NOS1AP: variants seen among roughly 807,000 people sequenced by gnomAD.
NOS1AP encodes the protein carboxyl-terminal PDZ ligand of neuronal nitric oxide synthase protein.
Under a neutral mutation model 56.2 loss-of-function variants are expected in NOS1AP, and 21 were observed. That is an observed-to-expected ratio of 0.37 (90% CI 0.26 to 0.54). NOS1AP has a LOEUF of 0.54. NOS1AP is among the 20% of genes least tolerant of loss of function. The pLI is 0.84. For synonymous variants in NOS1AP, 270 were observed against 274.6 expected, an observed-to-expected ratio of 0.98 and a Z score of 0.17; for missense variants, 522 against 657.8, an observed-to-expected ratio of 0.79 and a Z score of 2.26.
At chr1:162,361,557 AC>A (rs1189269558) in intron 8 of NOS1AP, among the ~76,000 whole-genome samples, 1 of 152,180 alleles carries the variant, frequency 6.6e-6, no homozygotes, top group African/African-American at 2.4e-5. Flanking sequence ...GCCCAGTACC[AC>A]TTTTGACAGC....
intron 1 of NOS1AP, among the ~76,000 whole-genome samples, chr1:162,084,242 A>G (rs1691957120): frequency 6.6e-6 from 1 of 152,076 alleles, no homozygotes; most frequent in African/African-American, 2.4e-5. Flanking sequence ...ATGATTTTTG[A>G]TTGAAACCTG....
chr1:162,305,307 T>C (rs1397635572), intron 4 of NOS1AP, among the ~76,000 whole-genome samples: 3 of 152,214 alleles, frequency 2.0e-5, no homozygotes, highest in Admixed American at 6.5e-5. Context: ...ACCCCCTTTT[T>C]TTAGCCCCGG....
chr1:162,251,720 C>G (rs1455358840), intron 2 of NOS1AP, among the ~76,000 whole-genome samples: 1 of 151,642 alleles, frequency 6.6e-6, no homozygotes, highest in East Asian at 1.9e-4. Flanking sequence ...GTCTCACTCA[C>G]TCTGTCACCC....
chr1:162,313,606 T>C (rs1026350122), intron 4 of NOS1AP, among the ~76,000 whole-genome samples: 1 of 152,170 alleles, frequency 6.6e-6, no homozygotes. Flanking sequence ...GGAAAGAAAC[T>C]CCTGTCAGTG....
At position 162,086,206 on chromosome 1, in the gene NOS1AP, A is replaced by G. The variant is rs1217939367; in HGVS notation, c.105+15924A>G. On this transcript the variant is annotated intron_variant, in intron 1 of 9. Coordinates refer to ENST00000361897, the MANE Select transcript of NOS1AP (RefSeq NM_014697.3). ...GGAAGGGGTATTTCAGGGGTTTTAA[A>G]TGATGATTCTTGAGGTTTTAAAACA... 5.3e-5 allele frequency among the ~76,000 whole-genome samples: 8 copies of G among 152,210 alleles called. No individual in the cohort carries two copies. In the East Asian group the frequency reaches 1.4e-3, roughly 26 times the overall value.
Position 162,078,916 on chromosome 1 carries a change from T to C in NOS1AP, c.105+8634T>C, listed in dbSNP as rs77453133. 9.4e-3 allele frequency among the ~76,000 whole-genome samples: 1,431 copies of C among 152,288 alleles called. 20 individuals carry two copies. Among genetic ancestry groups the C allele is most frequent in the African/African-American group, 0.033 (1,359 of 41,554 alleles). ...GCTTGTCCTGTCCAATTTTCATCCC[T>C]ACATTGTCATTGTCAGGGTCCATGT... On this transcript the variant is annotated intron_variant, in intron 1 of 9. Coordinates refer to ENST00000361897, the MANE Select transcript of NOS1AP (RefSeq NM_014697.3).
At chr1:162,331,340 C>T (rs565124306) in intron 4 of NOS1AP, among the ~76,000 whole-genome samples, 1 of 152,196 alleles carries the variant, frequency 6.6e-6, no homozygotes, top group East Asian at 1.9e-4. Context: ...CTCTCTGTGC[C>T]CACCTTTCTT....
intron 2 of NOS1AP, among the ~76,000 whole-genome samples, chr1:162,217,520 C>A (rs1652621911): frequency 6.6e-6 from 1 of 152,054 alleles, no homozygotes; most frequent in Admixed American, 6.6e-5. Flanking sequence ...CTGCCTTGGC[C>A]TCCCAAAGTG....
Position 162,356,976 on chromosome 1 carries a change from A to G in NOS1AP, c.779A>G (p.Glu260Gly). Residue 260 changes from glutamate to glycine, a missense_variant, in exon 8 of 10, where the codon GAG (glutamate) becomes GGG (glycine). Glu to Gly is a moderately conservative substitution (Grantham distance 98, BLOSUM62 -2). Coordinates refer to ENST00000361897, the MANE Select transcript of NOS1AP (RefSeq NM_014697.3). The stretch of plus-strand genomic sequence containing the variant: ...CTCCTCCAGGTTTCGCACCCCCAGG[A>G]GCCCATGCTGACAGCCTCACCCAGG... The part of the protein sequence containing the change: ...HTGSKVSHPQ[E>G]PMLTASPRML... 1 of 1,614,104 alleles carries G rather than the reference A, an allele frequency of 6.2e-7. No homozygotes were observed. The highest frequency in any genetic ancestry group is 8.5e-7 in the Non-Finnish European group (1 of 1,180,032).
chr1:162,294,650 G>A (rs1056409542), intron 3 of NOS1AP, among the ~76,000 whole-genome samples: 69 of 152,302 alleles, frequency 4.5e-4, no homozygotes, highest in African/African-American at 1.6e-3. Flanking sequence ...ACAAAGAGAA[G>A]AGGGGAAGGG....
At chr1:162,259,455 G>T (rs1048894668) in intron 2 of NOS1AP, among the ~76,000 whole-genome samples, 1 of 151,972 alleles carries the variant, frequency 6.6e-6, no homozygotes, top group Non-Finnish European at 1.5e-5. Context: ...AAAATGTTTT[G>T]TTCAAATTTT....
intron 1 of NOS1AP, among the ~76,000 whole-genome samples, chr1:162,141,148 C>T (rs770876288): frequency 1.3e-5 from 2 of 151,878 alleles, no homozygotes; most frequent in East Asian, 1.9e-4. Context: ...AGGAATGGAG[C>T]TTCAATGTGA....
chr1:162,192,428 A>AGT (rs1294979823), intron 2 of NOS1AP, among the ~76,000 whole-genome samples: 1 of 152,182 alleles, frequency 6.6e-6, no homozygotes, highest in Non-Finnish European at 1.5e-5. Context: ...AGGCACTCTG[A>AGT]GTGTAGCATG....
At position 162,217,267 on chromosome 1, in the gene NOS1AP, C is replaced by CTTTTTTTT. The variant is rs61378473; in HGVS notation, c.177+62798_177+62805dup. On this transcript the variant is annotated intron_variant, in intron 2 of 9. Coordinates refer to ENST00000361897, the MANE Select transcript of NOS1AP (RefSeq NM_014697.3). Reference sequence around the variant, plus strand: ...TGGGTCCTGAAACAGCTGTTGTTAGCTTTTTTTTTTTTTTGAGATGAAGTC... The same window carrying CTTTTTTTT: ...TGGGTCCTGAAACAGCTGTTGTTAGCTTTTTTTTTTTTTTTTTTTTTTGAGATGAAGTC... Among the ~76,000 whole-genome samples the CTTTTTTTT allele has an allele frequency of 3.9e-4, 27 of 68,392 alleles. 6 individuals are homozygous for CTTTTTTTT. The highest frequency in any genetic ancestry group is 1.1e-3 in the South Asian group (2 of 1,758). 44.9% of individuals were successfully genotyped at this position (68,392 alleles called of 152,430 possible).
At chr1:162,361,137 C>G (rs7521206) in intron 8 of NOS1AP, among the ~76,000 whole-genome samples, 48,898 of 152,120 alleles carry the variant, frequency 0.32, 8,709 homozygotes, top group East Asian at 0.52. Flanking sequence ...ACATCACTGA[C>G]TTAGTATGTA....
Position 162,070,090 on chromosome 1 carries a change from GC to G in NOS1AP, c.-85del. 1.8e-6 allele frequency: 2 copies of G among 1,100,592 alleles called. No individual in the cohort carries two copies. Among genetic ancestry groups the G allele is most frequent in the Non-Finnish European group, 2.7e-6 (2 of 730,994 alleles). The allele number at this position is 1,100,592 out of a possible 1,614,324, so 68.2% of individuals were successfully genotyped here. The stretch of plus-strand genomic sequence containing the variant: ...CCCAGGCCCCGCCACGCGTCGCCGC[GC>G]CCAGCTCCAGTCTCCCCTCCCCGGG... On this transcript the variant is annotated 5_prime_UTR_variant, in exon 1 of 10. Transcript: ENST00000361897.
intron 1 of NOS1AP, among the ~76,000 whole-genome samples, chr1:162,078,442 A>G (rs143618580): frequency 5.3e-5 from 8 of 151,938 alleles, no homozygotes; most frequent in African/African-American, 1.7e-4. Context: ...TCCAGGCTCT[A>G]CTCTCCTGTA....
At chr1:162,171,065 G>C (rs1404584849) in intron 2 of NOS1AP, among the ~76,000 whole-genome samples, 1 of 152,214 alleles carries the variant, frequency 6.6e-6, no homozygotes, top group Non-Finnish European at 1.5e-5. Flanking sequence ...GGGCCTCTGG[G>C]ATGCCAACAT....
At chr1:162,301,457 C>G (rs1396649734) in intron 4 of NOS1AP, among the ~76,000 whole-genome samples, 9 of 152,190 alleles carry the variant, frequency 5.9e-5, no homozygotes, top group Admixed American at 5.9e-4. Context: ...GAAAAATAAA[C>G]TATTATTTAT....
Sources: gnomAD v4.1 joint callset for allele counts (sites outside exome capture counted in the v4.1 genomes callset) on GRCh38, gnomAD v4.1.1 for gene constraint, MANE v1.5 for transcripts, NCBI Gene and HGNC (gene_info 2026-07-23, HGNC 2026-07-21) for gene names.